HOOK3: variants seen among roughly 807,000 people sequenced by gnomAD.
HOOK3 encodes the protein protein Hook homolog 3.
Under a neutral mutation model 116.3 loss-of-function variants are expected in HOOK3, and 24 were observed. The observed-to-expected ratio is 0.21, with a 90% CI of 0.15 to 0.29. The LOEUF is 0.29. Among genes scored for constraint, HOOK3 ranks in the 10% least tolerant of loss-of-function variants. The pLI is 1.00. For synonymous variants in HOOK3, 275 were observed against 283.0 expected (o/e 0.97, Z 0.28); for missense variants, 632 against 830.2 (o/e 0.76, Z 2.93).
In HOOK3 at chr8:43,026,509, A is replaced by G. The variant is rs1419250527; in HGVS notation, c.*8011A>G. Reference sequence around the variant, plus strand: ...TTACTTTTTACATGTCTCCTTAAGAAGACTCTTTTATAATGTAATACTTAG... The same window carrying G: ...TTACTTTTTACATGTCTCCTTAAGAGGACTCTTTTATAATGTAATACTTAG... On this transcript the variant is annotated 3_prime_UTR_variant, in exon 22 of 22. Transcript: ENST00000307602. 1 of 211,506 alleles carries G rather than the reference A, an allele frequency of 4.7e-6. No individual in the cohort carries two copies. The highest frequency in any genetic ancestry group is 7.2e-5 in the East Asian group (1 of 13,940). The allele number at this position is 211,506 out of a possible 1,614,324, so 13.1% of individuals were successfully genotyped here.
chr8:42,957,191 G>A, intron 7 of HOOK3, 35 bp downstream of exon 7: 1 of 1,330,108 alleles, frequency 7.5e-7, no homozygotes, highest in Non-Finnish European at 1.1e-6. Context: ...TTCATGAAAA[G>A]GTTGAAAAGG....
intron 15 of HOOK3, among the ~76,000 whole-genome samples, chr8:42,989,495 A>G (rs1410318318): frequency 1.3e-5 from 2 of 152,126 alleles, no homozygotes; most frequent in African/African-American, 4.8e-5. Context: ...GTAGGTATAT[A>G]TATTTATGAG....
At chr8:42,977,534 T>C (rs1467913475) in intron 13 of HOOK3, among the ~76,000 whole-genome samples, 1 of 152,148 alleles carries the variant, frequency 6.6e-6, no homozygotes, top group Non-Finnish European at 1.5e-5. Flanking sequence ...CCAAAACATA[T>C]TTAGGTTAAC....
At chr8:42,986,880 G>A in intron 15 of HOOK3, 85 bp downstream of exon 15, 2 of 1,405,014 alleles carry the variant, frequency 1.4e-6, no homozygotes, top group Non-Finnish European at 2.0e-6. Flanking sequence ...GAACTGGCAG[G>A]GCATGGTGGC....
intron 2 of HOOK3, among the ~76,000 whole-genome samples, chr8:42,924,431 G>A (rs773758667): frequency 3.3e-5 from 5 of 150,464 alleles, no homozygotes; most frequent in Admixed American, 6.7e-5. Flanking sequence ...TTCTATCCTC[G>A]TTTCAATATG....
At chr8:42,918,270 G>A (rs974368021) in intron 2 of HOOK3, among the ~76,000 whole-genome samples, 3 of 152,104 alleles carry the variant, frequency 2.0e-5, no homozygotes, top group Middle Eastern at 3.4e-3. Context: ...CCCAGGAGGC[G>A]GAGGTTGCAG....
chr8:42,976,713 C>T (rs556201066), intron 13 of HOOK3, among the ~76,000 whole-genome samples: 121 of 152,054 alleles, frequency 8.0e-4, no homozygotes, highest in Admixed American at 2.4e-3. Context: ...CTGGCTAACA[C>T]GGTGAAACCC....
At chr8:42,967,456 T>C (rs1808651640) in intron 10 of HOOK3, among the ~76,000 whole-genome samples, 1 of 152,192 alleles carries the variant, frequency 6.6e-6, no homozygotes. Flanking sequence ...TCAGGGCTAA[T>C]TCCTTCTTCA....
chr8:42,929,427 A>G (rs954818643), intron 3 of HOOK3, among the ~76,000 whole-genome samples: 1 of 152,224 alleles, frequency 6.6e-6, no homozygotes, highest in Admixed American at 6.5e-5. Context: ...GACACCACCC[A>G]GGGACAGCTA....
chr8:42,975,988 A>C lies in HOOK3; in HGVS notation c.1321+1794A>C, dbSNP rs974624996. On this transcript the variant is annotated intron_variant, in intron 13 of 21. Coordinates refer to ENST00000307602, the MANE Select transcript of HOOK3 (RefSeq NM_032410.4). ...CCACAGTGCTGAGATTACAGGCGTG[A>C]GCCACCGCGCCCAGCCAAGATGTAG... is the stretch of plus-strand genomic sequence containing the variant. Among the ~76,000 whole-genome samples the C allele has an allele frequency of 5.9e-5, 9 of 152,116 alleles. No homozygotes were observed. In the East Asian group the frequency reaches 1.5e-3, roughly 26 times the overall value.
At chr8:42,930,882 C>G (rs1807860181) in intron 4 of HOOK3, among the ~76,000 whole-genome samples, 1 of 152,164 alleles carries the variant, frequency 6.6e-6, no homozygotes. Context: ...ATCTGTGCGG[C>G]CACCAACTAT....
At position 42,997,614 on chromosome 8, in the gene HOOK3, G is replaced by A. The variant is rs770316051; in HGVS notation, c.1597G>A (p.Asp533Asn). The A allele has an allele frequency of 1.2e-6, 2 of 1,605,960 alleles. No individual in the cohort carries two copies. The highest frequency in any genetic ancestry group is 8.5e-7 in the Non-Finnish European group (1 of 1,172,948). The change falls in exon 16 of 22, where the codon GAT becomes AAT. Residue 533 changes from aspartate (D) to asparagine (N), a missense_variant. Coordinates refer to ENST00000307602, the MANE Select transcript of HOOK3 (RefSeq NM_032410.4). ...QVEELQKSLQ[D>N]QGSKAEDSVL... ...TGAAGAATTACAAAAATCTTTACAG[G>A]ATCAAGGCTCAAAAGCAGAAGATGT...
intron 15 of HOOK3, among the ~76,000 whole-genome samples, chr8:42,992,710 CAAA>C (rs35064772): frequency 3.5e-5 from 2 of 56,578 alleles, no homozygotes; most frequent in East Asian, 5.6e-4. Context: ...GACTCCATCT[CAAA>C]AAAAAAAAAA....
Position 43,022,250 on chromosome 8 carries a change from G to C in HOOK3, c.*3752G>C. 4.7e-6 allele frequency: 1 copy of C among 211,354 alleles called. No homozygotes were observed. Among genetic ancestry groups the C allele is most frequent in the East Asian group, 7.1e-5 (1 of 14,102 alleles). 13.1% of individuals were successfully genotyped at this position (211,354 alleles called of 1,614,324 possible). A position where few individuals can be genotyped will look rare whatever the true frequency, so the allele number is the denominator to read the frequency against. The stretch of plus-strand genomic sequence containing the variant: ...TGATTAATGATTCCTCAGGAGATTC[G>C]TGATGTTGTCTGGTCTATCTGGAAA... On this transcript the variant is annotated 3_prime_UTR_variant, in exon 22 of 22. Transcript: ENST00000307602.
At chr8:42,937,969 G>A (rs1409770138) in intron 4 of HOOK3, among the ~76,000 whole-genome samples, 4 of 152,086 alleles carry the variant, frequency 2.6e-5, no homozygotes, top group Non-Finnish European at 5.9e-5. Context: ...TCATTAATCT[G>A]TCTAATATTG....
intron 4 of HOOK3, among the ~76,000 whole-genome samples, chr8:42,936,855 T>C (rs1807980969): frequency 6.6e-6 from 1 of 152,158 alleles, no homozygotes; most frequent in African/African-American, 2.4e-5. Flanking sequence ...AATTTTCTTT[T>C]TTTCTTGTGT....
rs527239846 is a variant in HOOK3 at position 42,977,252 on chromosome 8, A to C, written c.1321+3058A>C. 6.6e-5 allele frequency among the ~76,000 whole-genome samples: 10 copies of C among 152,316 alleles called. No homozygotes were observed. In the East Asian group the frequency reaches 1.9e-3, roughly 29 times the overall value. On this transcript the variant is annotated intron_variant, in intron 13 of 21. Transcript: ENST00000307602. ...ATAACACTCTTGCCTGACACCTCTT[A>C]TATAAGCAGAAAGGAGTCTGGGACC...
intron 21 of HOOK3, among the ~76,000 whole-genome samples, chr8:43,015,875 G>A (rs1485777007): frequency 2.6e-5 from 4 of 151,460 alleles, no homozygotes; most frequent in South Asian, 4.2e-4. Flanking sequence ...CCGCCACCAC[G>A]CCTGGCTAAT....
chr8:42,995,003 G>C (rs572144520), intron 15 of HOOK3, among the ~76,000 whole-genome samples: 11 of 152,302 alleles, frequency 7.2e-5, no homozygotes, highest in African/African-American at 2.2e-4. Context: ...AGAGTGAACA[G>C]TATTGTGGTA....
Sources: allele counts gnomAD v4.1 joint callset (sites outside exome capture counted in the v4.1 genomes callset), GRCh38; gene constraint gnomAD v4.1.1; transcripts MANE v1.5; gene names NCBI Gene and HGNC (gene_info 2026-07-23, HGNC 2026-07-21).